Variants in ASIC2 observed in about 807,000 individuals in gnomAD.
ASIC2 encodes acid-sensing ion channel 2.
ASIC2 carries 25 observed loss-of-function variants against 57.3 expected under a neutral mutation model. The ratio of observed to expected loss-of-function variants is 0.44; its 90% CI spans 0.32 to 0.61. The LOEUF is 0.61. Among genes scored for constraint, ASIC2 ranks in the 20% least tolerant of loss-of-function variants. The pLI is 0.06. For missense variants in ASIC2, 641 were observed against 738.1 expected (o/e 0.87, Z 1.52); for synonymous variants, 319 against 307.5 (o/e 1.04, Z -0.39).
At chr17:33,263,169 C>T (rs192356092) in intron 1 of ASIC2, among the ~76,000 whole-genome samples, 3 of 152,190 alleles carry the variant, frequency 2.0e-5, no homozygotes, top group African/African-American at 7.2e-5. Flanking sequence ...ATATGTACAC[C>T]GCCTGGTTGC....
At chr17:33,990,749 G>T (rs931586453) in intron 1 of ASIC2, among the ~76,000 whole-genome samples, 12 of 152,158 alleles carry the variant, frequency 7.9e-5, no homozygotes, top group African/African-American at 2.2e-4. Context: ...TATGCAAGAG[G>T]CATAAAGGGT....
intron 1 of ASIC2, among the ~76,000 whole-genome samples, chr17:33,132,176 T>C (rs553592967): frequency 1.3e-5 from 2 of 152,196 alleles, no homozygotes; most frequent in East Asian, 3.9e-4. Context: ...TCAACAAATA[T>C]TTTGGCACAC....
intron 1 of ASIC2, among the ~76,000 whole-genome samples, chr17:34,015,908 ACGTG>A (rs1906934013): frequency 6.6e-6 from 1 of 152,200 alleles, no homozygotes; most frequent in Non-Finnish European, 1.5e-5. Flanking sequence ...TGACCAACTC[ACGTG>A]CCTACCATGA....
Position 33,510,943 on chromosome 17 carries a change from C to T in ASIC2, c.556-398876G>A, listed in dbSNP as rs567507304. ...GGTCATGCACCCTCCGCAGTAAGGC[C>T]GTAGAGTCTGTTGTCTGCATCCCCA... On this transcript the variant is annotated intron_variant, in intron 1 of 9. Coordinates refer to the ASIC2 transcript ENST00000359872. Among the ~76,000 whole-genome samples, 52 of 152,290 alleles carry T rather than the reference C, an allele frequency of 3.4e-4. 1 individual carries two copies. The highest frequency in any genetic ancestry group is 1.2e-3 in the Admixed American group (19 of 15,308).
At chr17:33,513,986 A>G (rs9895819) in intron 1 of ASIC2, among the ~76,000 whole-genome samples, 34,925 of 152,164 alleles carry the variant, frequency 0.23, 4,499 homozygotes, top group African/African-American at 0.35. Context: ...ATCAATGAAT[A>G]TGAGCACCAG....
intron 1 of ASIC2, among the ~76,000 whole-genome samples, chr17:33,553,201 C>T (rs1181821953): frequency 6.6e-6 from 1 of 152,134 alleles, no homozygotes; most frequent in Non-Finnish European, 1.5e-5. Context: ...GGGGTCTTCT[C>T]TGGGGCCAGT....
At chr17:33,784,862 T>A (rs1349836962) in intron 1 of ASIC2, among the ~76,000 whole-genome samples, 2 of 152,164 alleles carry the variant, frequency 1.3e-5, no homozygotes, top group African/African-American at 4.8e-5. Flanking sequence ...TGCAGGACCT[T>A]ATGACATGCC....
chr17:33,226,015 A>T (rs1202823584), intron 1 of ASIC2, among the ~76,000 whole-genome samples: 1 of 152,220 alleles, frequency 6.6e-6, no homozygotes, highest in Admixed American at 6.5e-5. Context: ...AGGCACTCAG[A>T]GACAAAGATG....
At chr17:33,200,328 G>A (rs1445079210) in intron 1 of ASIC2, among the ~76,000 whole-genome samples, 1 of 152,100 alleles carries the variant, frequency 6.6e-6, no homozygotes, top group East Asian at 1.9e-4. Context: ...GGCTCATCCA[G>A]TCTCAGAGAT....
At chr17:33,479,371 C>T (rs180797802) in intron 1 of ASIC2, among the ~76,000 whole-genome samples, 9 of 151,976 alleles carry the variant, frequency 5.9e-5, no homozygotes, top group Admixed American at 5.9e-4. Flanking sequence ...TTTTTAAGAG[C>T]CTAAATGATA....
Position 33,389,665 on chromosome 17 carries a change from G to C in ASIC2, c.556-277598C>G, listed in dbSNP as rs142745751. ...TAGTTAAATCTGTCTGCAGAGGAAA[G>C]ATCAAGGAAGAGATTTGGAAAGCAC... On this transcript the variant is annotated intron_variant, in intron 1 of 9. Coordinates refer to the ASIC2 transcript ENST00000359872. 3.9e-3 allele frequency among the ~76,000 whole-genome samples: 587 copies of C among 152,314 alleles called. 5 individuals are homozygous for C. The highest frequency in any genetic ancestry group is 0.013 in the African/African-American group (546 of 41,562).
chr17:33,575,379 C>G (rs1191506925), intron 1 of ASIC2, among the ~76,000 whole-genome samples: 1 of 152,148 alleles, frequency 6.6e-6, no homozygotes, highest in Non-Finnish European at 1.5e-5. Flanking sequence ...ACCAGTTAGT[C>G]TGGATTGGGA....
At chr17:33,410,644 T>C (rs1354491) in intron 1 of ASIC2, among the ~76,000 whole-genome samples, 97,561 of 151,948 alleles carry the variant, frequency 0.64, 32,191 homozygotes, top group East Asian at 0.88. Context: ...GTGCCCATTC[T>C]TCTCCCCATC....
intron 1 of ASIC2, among the ~76,000 whole-genome samples, chr17:33,315,982 C>A (rs1043618305): frequency 6.6e-6 from 1 of 152,186 alleles, no homozygotes; most frequent in African/African-American, 2.4e-5. Context: ...ATAGTGCCCT[C>A]CCCCTTCTGT....
At chr17:33,429,689 C>T (rs925907959) in intron 1 of ASIC2, among the ~76,000 whole-genome samples, 1 of 151,930 alleles carries the variant, frequency 6.6e-6, no homozygotes, top group Non-Finnish European at 1.5e-5. Context: ...CGCCCCCAGC[C>T]CAGCCTAGGT....
At chr17:33,288,301 C>A (rs1016098320) in intron 1 of ASIC2, among the ~76,000 whole-genome samples, 1 of 152,122 alleles carries the variant, frequency 6.6e-6, no homozygotes, top group Non-Finnish European at 1.5e-5. Context: ...GCCTGTTGAG[C>A]AGGCAGGTGT....
chr17:33,184,832 A>G (rs753655755), intron 1 of ASIC2, among the ~76,000 whole-genome samples: 3 of 152,180 alleles, frequency 2.0e-5, no homozygotes, highest in Non-Finnish European at 4.4e-5. Flanking sequence ...ATATTACTAA[A>G]CTTCCAGAAC....
chr17:33,135,017 C>T (rs143105597), intron 1 of ASIC2, among the ~76,000 whole-genome samples: 1 of 152,250 alleles, frequency 6.6e-6, no homozygotes, highest in African/African-American at 2.4e-5. Flanking sequence ...AGTTCAAACT[C>T]TTCACATTAT....
chr17:33,755,561 A>G (rs2701484), intron 1 of ASIC2, among the ~76,000 whole-genome samples: 51,707 of 152,138 alleles, frequency 0.34, 10,704 homozygotes, highest in Non-Finnish European at 0.49. Flanking sequence ...TTGAATGGAC[A>G]TCATTGGAGA....
Sources: gnomAD v4.1 joint callset for allele counts (sites outside exome capture counted in the v4.1 genomes callset) on GRCh38, gnomAD v4.1.1 for gene constraint, MANE v1.5 for transcripts, NCBI Gene and HGNC (gene_info 2026-07-23, HGNC 2026-07-21) for gene names.